The following MYO1E variants were observed in gnomAD, a reference collection of about 807,000 sequenced individuals.
MYO1E encodes unconventional myosin-Ie.
Under a neutral mutation model 151.1 loss-of-function variants are expected in MYO1E, and 68 were observed. The ratio of observed to expected loss-of-function variants is 0.45; its 90% CI spans 0.37 to 0.55. MYO1E has a LOEUF of 0.55. Among genes scored for constraint, MYO1E ranks in the 20% least tolerant of loss-of-function variants. MYO1E has a pLI of 0.00. For synonymous variants in MYO1E, 601 were observed against 501.7 expected (o/e 1.20, Z -2.64); for missense variants, 1,363 against 1,389.3 (o/e 0.98, Z 0.30).
chr15:59,325,039 T>C (rs2080654818), intron 1 of MYO1E, among the ~76,000 whole-genome samples: 1 of 152,012 alleles, frequency 6.6e-6, no homozygotes, highest in African/African-American at 2.4e-5. Flanking sequence ...CCTTTTCTTT[T>C]TTTTTTTTAT....
chr15:59,296,953 C>A (rs1331582493), intron 1 of MYO1E, among the ~76,000 whole-genome samples: 2 of 137,712 alleles, frequency 1.5e-5, no homozygotes, highest in African/African-American at 5.3e-5. Context: ...CATTCTTCTG[C>A]CTCAGCCTCC....
chr15:59,288,174 T>C (rs2080398325), intron 1 of MYO1E, among the ~76,000 whole-genome samples: 1 of 152,084 alleles, frequency 6.6e-6, no homozygotes, highest in Admixed American at 6.6e-5. Flanking sequence ...TAAATTAATC[T>C]TTCTTTTCTT....
At chr15:59,193,214 T>G (rs997491069) in intron 17 of MYO1E, among the ~76,000 whole-genome samples, 1 of 152,154 alleles carries the variant, frequency 6.6e-6, no homozygotes, top group Non-Finnish European at 1.5e-5. Context: ...AGCCCAGCAA[T>G]CTCAGCTTTA....
In MYO1E at chr15:59,137,138, G is replaced by A. The variant is rs2079378047; in HGVS notation, c.*242C>T. On this transcript the variant is annotated 3_prime_UTR_variant, in exon 28 of 28. Coordinates refer to ENST00000288235, the MANE Select transcript of MYO1E (RefSeq NM_004998.4). ...TTAAATACAATAAATAAATCTTAAT[G>A]CATGGTGGTTTTGTCCTCCTGGGTT... 1 of 556,176 alleles carries A rather than the reference G, an allele frequency of 1.8e-6. No homozygotes were observed. The highest frequency in any genetic ancestry group is 3.1e-5 in the East Asian group (1 of 32,348). The allele number at this position is 556,176 out of a possible 1,614,324, so 34.5% of individuals were successfully genotyped here. A position where few individuals can be genotyped will look rare whatever the true frequency, so the allele number is the denominator to read the frequency against.
chr15:59,330,776 GT>G (rs1392399265), intron 1 of MYO1E, among the ~76,000 whole-genome samples: 1 of 152,070 alleles, frequency 6.6e-6, no homozygotes, highest in African/African-American at 2.4e-5. Context: ...ATTTATTTGT[GT>G]TGGTTTTTTG....
Position 59,344,990 on chromosome 15 carries a change from G to A in MYO1E, c.3+27508C>T, listed in dbSNP as rs577045488. On this transcript the variant is annotated intron_variant, in intron 1 of 27. Transcript: ENST00000288235. ...ATGACCAGAGCTTTCAAAATAACTT[G>A]AAGTACTTTATTTAGAAAGACAAAC... Among the ~76,000 whole-genome samples the A allele has an allele frequency of 9.2e-5, 14 of 152,206 alleles. No individual in the cohort carries two copies. The South Asian group carries it at 2.5e-3, about 27-fold the overall frequency.
At chr15:59,155,165 G>A (rs561394719) in intron 25 of MYO1E, among the ~76,000 whole-genome samples, 2 of 152,290 alleles carry the variant, frequency 1.3e-5, no homozygotes, top group South Asian at 4.1e-4. Flanking sequence ...AGTGATAAAA[G>A]TGGGGTCCCC....
intron 1 of MYO1E, among the ~76,000 whole-genome samples, chr15:59,279,257 T>A (rs1473814357): frequency 1.3e-5 from 2 of 152,142 alleles, no homozygotes; most frequent in African/African-American, 4.8e-5. Flanking sequence ...TCCAGTGATC[T>A]CTTAGTCAGT....
intron 7 of MYO1E, among the ~76,000 whole-genome samples, chr15:59,226,271 T>C (rs1448241814): frequency 1.3e-5 from 2 of 152,226 alleles, no homozygotes; most frequent in South Asian, 4.1e-4. Context: ...GCCTAAGATG[T>C]GTGTGTAATT....
intron 18 of MYO1E, among the ~76,000 whole-genome samples, chr15:59,186,151 C>A (rs2079696069): frequency 6.6e-6 from 1 of 152,156 alleles, no homozygotes; most frequent in African/African-American, 2.4e-5. Flanking sequence ...ATTCAGAGAA[C>A]AAAGAGGGTA....
chr15:59,272,440 C>T lies in MYO1E; in HGVS notation c.13G>A (p.Gly5Ser). The T allele has an allele frequency of 1.2e-6, 2 of 1,614,150 alleles. No homozygotes were observed. The highest frequency in any genetic ancestry group is 1.7e-6 in the Non-Finnish European group (2 of 1,179,986). The change falls in exon 2 of 28, where the codon GGT becomes AGT. Residue 5 changes from glycine to serine, a missense_variant. By Grantham distance (56) the Gly-to-Ser change is moderately conservative (BLOSUM62 0). Coordinates refer to ENST00000288235, the MANE Select transcript of MYO1E (RefSeq NM_004998.4). ...CTTTGCCAGTGGTACTGGTAGACAC[C>T]TTTGCTTCCCTGGGAACATAAAACA... MGSK[G>S]VYQYHWQSHN...
rs987456328 is a variant in MYO1E at position 59,362,260 on chromosome 15, T to C, written c.3+10238A>G. ...CATTTTTCTTACATGGTTTCAGATA[T>C]GCGTCTTTCTACAACTTGCTTCTTT... On this transcript the variant is annotated intron_variant, in intron 1 of 27. Transcript: ENST00000288235. Among the ~76,000 whole-genome samples, 32 of 152,372 alleles carry C rather than the reference T, an allele frequency of 2.1e-4. 1 individual carries two copies. Among genetic ancestry groups the C allele is most frequent in the Middle Eastern group, 3.4e-3 (1 of 294 alleles).
At chr15:59,164,676 A>T (rs2079554701) in intron 22 of MYO1E, among the ~76,000 whole-genome samples, 1 of 152,188 alleles carries the variant, frequency 6.6e-6, no homozygotes, top group Non-Finnish European at 1.5e-5. Context: ...AGCCCCATTC[A>T]CAGGTCAAGG....
At chr15:59,313,637 T>C (rs1173102939) in intron 1 of MYO1E, among the ~76,000 whole-genome samples, 2 of 152,150 alleles carry the variant, frequency 1.3e-5, no homozygotes, top group African/African-American at 4.8e-5. Flanking sequence ...CCTCCAGCAA[T>C]TCCCAACTTC....
intron 18 of MYO1E, 92 bp from the exon 19 acceptor site, chr15:59,178,629 G>T: frequency 6.7e-7 from 1 of 1,490,438 alleles, no homozygotes; most frequent in Non-Finnish European, 9.1e-7. Context: ...TGCTCTGAAG[G>T]TGCCCAGTGC....
chr15:59,276,724 C>T (rs747412240), intron 1 of MYO1E, among the ~76,000 whole-genome samples: 23 of 152,200 alleles, frequency 1.5e-4, no homozygotes, highest in Non-Finnish European at 3.1e-4. Context: ...AGGAAGAACT[C>T]GGCCTTGAGG....
intron 1 of MYO1E, among the ~76,000 whole-genome samples, chr15:59,363,076 C>T (rs1445668248): frequency 2.0e-5 from 3 of 151,024 alleles, no homozygotes; most frequent in Non-Finnish European, 4.4e-5. Flanking sequence ...CCCAGGCTCA[C>T]GCCATTCTCC....
At chr15:59,279,040 A>G (rs1431719227) in intron 1 of MYO1E, among the ~76,000 whole-genome samples, 1 of 152,096 alleles carries the variant, frequency 6.6e-6, no homozygotes, top group East Asian at 1.9e-4. Flanking sequence ...CTTATTCATA[A>G]AGTTTCATCC....
chr15:59,341,031 A>G (rs1468339734), intron 1 of MYO1E, among the ~76,000 whole-genome samples: 5 of 149,094 alleles, frequency 3.4e-5, no homozygotes, highest in South Asian at 2.1e-4. Flanking sequence ...AAAAAAAAAA[A>G]AAAGAAAAAA....
Sources: gnomAD v4.1 joint callset for allele counts (sites outside exome capture counted in the v4.1 genomes callset) on GRCh38, gnomAD v4.1.1 for gene constraint, MANE v1.5 for transcripts, NCBI Gene and HGNC (gene_info 2026-07-23, HGNC 2026-07-21) for gene names.